The following BNC1 variants were observed in gnomAD, a reference collection of about 807,000 sequenced individuals.
BNC1 encodes the protein zinc finger protein basonuclin-1.
In BNC1, 8 loss-of-function variants were observed where a neutral mutation model predicts 66.5. The observed-to-expected ratio is 0.12, with a 90% CI of 0.07 to 0.22. The LOEUF (loss-of-function observed/expected upper bound fraction) is 0.22, where lower values mean the gene tolerates loss of function less well. BNC1 is among the 10% of genes least tolerant of loss of function. BNC1 has a pLI of 1.00. For synonymous variants in BNC1, 454 were observed against 452.6 expected (o/e 1.00, Z -0.04); for missense variants, 1,069 against 1,241.3 (o/e 0.86, Z 2.09).
intron 1 of BNC1, among the ~76,000 whole-genome samples, chr15:83,272,300 G>A (rs905917184): frequency 2.0e-5 from 3 of 151,848 alleles, no homozygotes; most frequent in Non-Finnish European, 1.5e-5. Flanking sequence ...GCACAATCTC[G>A]GCTCAATGCA....
chr15:83,267,602 C>T (rs1351767725), intron 2 of BNC1, among the ~76,000 whole-genome samples: 2 of 152,106 alleles, frequency 1.3e-5, no homozygotes, highest in Non-Finnish European at 2.9e-5. Context: ...AACTCCATTC[C>T]TCAGTTACAC....
Position 83,263,608 on chromosome 15 carries a change from T to C in BNC1, c.1643A>G (p.Lys548Arg), listed in dbSNP as rs2038175653. ...RKSSMPIKIE[K>R]EAVEIANEKR... is the part of the protein sequence containing the mutation. ...CTCATTAGCTATTTCCACAGCTTCT[T>C]TCTCTATTTTGATAGGCATACTGGA... The change falls in exon 4 of 5, where the codon AAA (lysine) becomes AGA (arginine). Residue 548 changes from lysine to arginine, a missense_variant. Around this residue, in one of 7 missense-constraint regions of BNC1, gnomAD observed 657 missense variants for 715.8 expected, o/e 0.92. Coordinates refer to ENST00000345382, the MANE Select transcript of BNC1 (RefSeq NM_001717.4). The C allele has an allele frequency of 6.2e-7, 1 of 1,614,106 alleles. No individual in the cohort carries two copies. Among genetic ancestry groups the C allele is most frequent in the African/African-American group, 1.3e-5 (1 of 74,932 alleles).
rs1157387268 is a variant in BNC1, at chr15:83,264,737, G to C, written c.514C>G (p.Arg172Gly). 6.2e-7 allele frequency: 1 copy of C among 1,614,146 alleles called. No individual in the cohort carries two copies. Among genetic ancestry groups the C allele is most frequent in the South Asian group, 1.1e-5 (1 of 91,070 alleles). The change falls in exon 4 of 5, where the codon CGT (arginine) becomes GGT (glycine). Residue 172 changes from arginine (R) to glycine (G), a missense_variant. Transcript: ENST00000345382. ...EEVATLQQFLRFGETKSIVEL... is the reference protein window; with the variant it reads ...EEVATLQQFLGFGETKSIVEL... ...ACTATAGATTTGGTCTCTCCAAAAC[G>C]AAGGAACTGCTGCAAGGTGGCCACT...
rs2151433595 is a variant in BNC1 at position 83,257,701 on chromosome 15, C to G, written c.2726G>C (p.Cys909Ser). The change falls in exon 5 of 5, where the codon TGT (cysteine) becomes TCT (serine). Residue 909 changes from cysteine to serine, a missense_variant. Cys to Ser is a moderately radical substitution (Grantham distance 112, BLOSUM62 -1). Transcript: ENST00000345382. ...LVPGEDEYPI[C>S]VLMEKADQSL... ...CTGGTCAGCCTTCTCCATCAGGACA[C>G]AGATGGGGTACTCATCTTCCCCAGG... is the stretch of plus-strand genomic sequence containing the variant. 6.2e-7 allele frequency: 1 copy of G among 1,614,152 alleles called. No homozygotes were observed. Among genetic ancestry groups the G allele is most frequent in the South Asian group, 1.1e-5 (1 of 91,078 alleles).
Position 83,258,004 on chromosome 15 carries a change from A to G in BNC1, c.2423T>C (p.Val808Ala), listed in dbSNP as rs762083724. 1.2e-6 allele frequency: 2 copies of G among 1,614,148 alleles called. No individual in the cohort carries two copies. Among genetic ancestry groups the G allele is most frequent in the Non-Finnish European group, 1.7e-6 (2 of 1,179,998 alleles). ...CTGGGAGGCTTGCTGTGTAAAAGCC[A>G]CATCCTGATAGGCTTCCTTAGCCAC... ...KDVAKEAYQD[V>A]AFTQQASQTS... The change falls in exon 5 of 5, where the codon GTG becomes GCG. Residue 808 changes from valine (V) to alanine (A), a missense_variant. Val to Ala is a moderately conservative substitution (Grantham distance 64). Transcript: ENST00000345382.
rs761347990 is a variant in BNC1 at position 83,263,239 on chromosome 15, T to C, written c.2012A>G (p.Tyr671Cys). 9.3e-6 allele frequency: 15 copies of C among 1,614,214 alleles called. No homozygotes were observed. Among genetic ancestry groups the C allele is most frequent in the African/African-American group, 1.3e-5 (1 of 75,052 alleles). The change falls in exon 4 of 5, where the codon TAC (tyrosine) becomes TGC (cysteine). Residue 671 changes from tyrosine to cysteine, a missense_variant. By Grantham distance (194) the Tyr-to-Cys change is radical. Transcript: ENST00000345382. ...GMEPQVPFSD[Y>C]MELQQRLLAG... The stretch of plus-strand genomic sequence containing the variant: ...CAGCAGGCGCTGCTGCAGTTCCATG[T>C]AGTCAGAAAAAGGAACTTGGGGTTC...
intron 1 of BNC1, among the ~76,000 whole-genome samples, chr15:83,268,676 CA>C (rs1230255320): frequency 1.3e-5 from 2 of 152,118 alleles, no homozygotes; most frequent in Non-Finnish European, 2.9e-5. Flanking sequence ...TATTTCCCCC[CA>C]CCCACAGATA....
At chr15:83,276,900 A>G (rs2038328662) in intron 1 of BNC1, among the ~76,000 whole-genome samples, 1 of 152,226 alleles carries the variant, frequency 6.6e-6, no homozygotes, top group Non-Finnish European at 1.5e-5. Context: ...ATGACTCACT[A>G]GCAGAGATCA....
In BNC1 at chr15:83,264,187, C is replaced by T. The variant is rs2038186453; in HGVS notation, c.1064G>A (p.Gly355Asp). Residue 355 changes from glycine (G) to aspartate (D), a missense_variant, in exon 4 of 5, where the codon GGC becomes GAC. Gly to Asp is a moderately conservative substitution (Grantham distance 94). This residue lies in a region of BNC1 where 82 missense variants were observed against 136.3 expected (regional missense o/e 0.60). Transcript: ENST00000345382. ...PERNSLGTKK[G>D]RVFCTACEKT... ...CTCACATGCAGTGCAGAACACCCGG[C>T]CCTTCTTTGTACCAAGGCTATTCCT... The T allele has an allele frequency of 1.2e-6, 2 of 1,614,084 alleles. No individual in the cohort carries two copies. Among genetic ancestry groups the T allele is most frequent in the Non-Finnish European group, 1.7e-6 (2 of 1,180,054 alleles).
chr15:83,284,521 C>G lies in BNC1; in HGVS notation c.99+9G>C, dbSNP rs1000105403. ...GAATCCCCGCGCCCGCGGAGGGCGCCGCGCTTACCTCGGCCATCCTGCGAC... is the reference window on the plus strand; with the variant it reads ...GAATCCCCGCGCCCGCGGAGGGCGCGGCGCTTACCTCGGCCATCCTGCGAC... On this transcript the variant is annotated intron_variant, in intron 1 of 4. Coordinates refer to ENST00000345382, the MANE Select transcript of BNC1 (RefSeq NM_001717.4). 2.5e-6 allele frequency: 3 copies of G among 1,197,270 alleles called. No individual in the cohort carries two copies. The highest frequency in any genetic ancestry group is 3.1e-6 in the Non-Finnish European group (3 of 953,844). 74.2% of individuals were successfully genotyped at this position (1,197,270 alleles called of 1,614,324 possible). A position where few individuals can be genotyped will look rare whatever the true frequency, so the allele number is the denominator to read the frequency against.
chr15:83,275,491 C>CAAAAA (rs35785505), intron 1 of BNC1, among the ~76,000 whole-genome samples: 3 of 82,996 alleles, frequency 3.6e-5, no homozygotes, highest in Admixed American at 1.4e-4. Flanking sequence ...GACTCCATCT[C>CAAAAA]AAAAAAAAAA....
intron 1 of BNC1, chr15:83,283,190 A>G: frequency 2.0e-6 from 3 of 1,535,608 alleles, no homozygotes; most frequent in Non-Finnish European, 2.6e-6. Flanking sequence ...CTTAAATGAG[A>G]AGAACATGTT....
chr15:83,283,742 C>A (rs1334360811), intron 1 of BNC1, among the ~76,000 whole-genome samples: 1 of 152,234 alleles, frequency 6.6e-6, no homozygotes, highest in Non-Finnish European at 1.5e-5. Flanking sequence ...GACGGGCCAC[C>A]TCGCGCGGAG....
intron 1 of BNC1, among the ~76,000 whole-genome samples, chr15:83,273,678 A>C (rs1297460207): frequency 6.6e-6 from 1 of 152,158 alleles, no homozygotes; most frequent in Admixed American, 6.5e-5. Flanking sequence ...TGGGTTTTGC[A>C]GTCTTGGGAT....
chr15:83,273,893 A>T (rs887119937), intron 1 of BNC1, among the ~76,000 whole-genome samples: 11 of 152,222 alleles, frequency 7.2e-5, no homozygotes, highest in African/African-American at 2.2e-4. Context: ...CTCTCATGGG[A>T]TTTGAATTGA....
chr15:83,281,777 T>C (rs1445682525), intron 1 of BNC1, among the ~76,000 whole-genome samples: 2 of 152,244 alleles, frequency 1.3e-5, no homozygotes, highest in Admixed American at 6.5e-5. Flanking sequence ...AAATGACAAA[T>C]GTGTGCTTAG....
chr15:83,283,825 T>C (rs188118462), intron 1 of BNC1, among the ~76,000 whole-genome samples: 54 of 152,356 alleles, frequency 3.5e-4, no homozygotes, highest in African/African-American at 1.3e-3. Context: ...GCTCGGTCTG[T>C]GTCCCGGAAG....
chr15:83,272,649 C>T (rs890351345), intron 1 of BNC1, among the ~76,000 whole-genome samples: 7 of 152,156 alleles, frequency 4.6e-5, no homozygotes, highest in Non-Finnish European at 8.8e-5. Flanking sequence ...TAAGCACATG[C>T]TTCCTGAAGA....
intron 1 of BNC1, 44 bp from the exon 2 acceptor site, chr15:83,268,276 G>A: frequency 1.3e-6 from 2 of 1,488,420 alleles, no homozygotes; most frequent in Non-Finnish European, 9.4e-7. Context: ...TGTAAGTGAT[G>A]TGTGAAACAT....
Sources: gnomAD v4.1 joint callset for allele counts (sites outside exome capture counted in the v4.1 genomes callset) on GRCh38, gnomAD v4.1.1 for gene constraint, gnomAD v4.1.1 regional missense constraint, MANE v1.5 for transcripts, NCBI Gene and HGNC (gene_info 2026-07-23, HGNC 2026-07-21) for gene names.